TMCO1: variants seen among roughly 807,000 people sequenced by gnomAD.
The protein encoded by TMCO1 is transmembrane and coiled-coil domains 1.
TMCO1 carries 29 observed loss-of-function variants against 29.3 expected under a neutral mutation model. The observed-to-expected ratio is 0.99, with a 90% confidence interval of 0.74 to 1.35. The LOEUF is 1.35. Among genes scored for constraint, TMCO1 ranks in the 40% most tolerant of loss-of-function variants. TMCO1 has a pLI of 0.00. For missense variants in TMCO1, 173 were observed against 225.5 expected (o/e 0.77, Z 1.49); for synonymous variants, 80 against 77.1 (o/e 1.04, Z -0.20).
chr1:165,737,846 A>G (rs1002969790), intron 6 of TMCO1, among the ~76,000 whole-genome samples: 3 of 152,246 alleles, frequency 2.0e-5, no homozygotes, highest in African/African-American at 7.2e-5. Context: ...TAAGAAGCAC[A>G]AGAAAGAAAA....
chr1:165,755,022 A>G (rs950852374), intron 3 of TMCO1: 2 of 152,130 alleles, frequency 1.3e-5, no homozygotes, highest in Non-Finnish European at 2.9e-5. Context: ...AAAACAAAAA[A>G]CTACGCATTC....
downstream of TMCO1, chr1:165,725,171 A>T (rs1476796649): frequency 1.3e-5 from 6 of 449,852 alleles, no homozygotes; most frequent in African/African-American, 1.0e-4. Flanking sequence ...AAGAGAAAGT[A>T]TATAGTACTT....
Position 165,727,897 on chromosome 1 carries a change from A to T in TMCO1, c.*126T>A. The T allele has an allele frequency of 1.5e-6, 1 of 688,352 alleles. No individual in the cohort carries two copies. The highest frequency in any genetic ancestry group is 2.5e-6 in the Non-Finnish European group (1 of 395,336). 42.6% of individuals were successfully genotyped at this position (688,352 alleles called of 1,614,324 possible). A position where few individuals can be genotyped will look rare whatever the true frequency, so the allele number is the denominator to read the frequency against. On this transcript the variant is annotated 3_prime_UTR_variant, in exon 7 of 7. Transcript: ENST00000367881. ...CACTCTAATCATACCCAAAAGGCTT[A>T]GAAATAATTCAAAACTAGAAAGAGG...
chr1:165,738,502 C>G (rs1393347805), intron 6 of TMCO1, among the ~76,000 whole-genome samples: 1 of 152,124 alleles, frequency 6.6e-6, no homozygotes, highest in Non-Finnish European at 1.5e-5. Context: ...AACCTAAGAT[C>G]TTAAAAAGCA....
downstream of TMCO1, chr1:165,725,329 G>T: frequency 2.2e-6 from 1 of 453,912 alleles, no homozygotes. Flanking sequence ...TTAAGTAACT[G>T]GCCCCATTGG....
chr1:165,763,304 G>A (rs1652460024), intron 2 of TMCO1, among the ~76,000 whole-genome samples: 1 of 152,126 alleles, frequency 6.6e-6, no homozygotes, highest in Admixed American at 6.6e-5. Context: ...TATTCCTCAT[G>A]CTAAATATAA....
downstream of TMCO1, chr1:165,725,183 T>A (rs1466237543): frequency 2.2e-6 from 1 of 451,392 alleles, no homozygotes; most frequent in African/African-American, 2.0e-5. Context: ...ATAGTACTTT[T>A]ACTTAAAGGG....
At position 165,727,086 on chromosome 1, in the gene TMCO1, T is replaced by C. The variant is rs150123019; in HGVS notation, c.*937A>G. The stretch of plus-strand genomic sequence containing the variant: ...TCCATAGATTATGCGGGGAGGATCA[T>C]GGTACAAACATCCTTCTCCCTTATG... On this transcript the variant is annotated 3_prime_UTR_variant, in exon 7 of 7. Transcript: ENST00000367881. 8.8e-6 allele frequency: 4 copies of C among 454,084 alleles called. No homozygotes were observed. The highest frequency in any genetic ancestry group is 1.8e-5 in the Non-Finnish European group (4 of 226,770). 28.1% of individuals were successfully genotyped at this position (454,084 alleles called of 1,614,324 possible).
At chr1:165,729,484 T>C (rs1411623054) in intron 6 of TMCO1, among the ~76,000 whole-genome samples, 2 of 151,948 alleles carry the variant, frequency 1.3e-5, no homozygotes, top group Admixed American at 6.6e-5. Context: ...ACCCAGCTAA[T>C]TTTTGTATTT....
chr1:165,732,503 C>CTATA (rs1308718722), intron 6 of TMCO1, among the ~76,000 whole-genome samples: 44 of 128,622 alleles, frequency 3.4e-4, no homozygotes, highest in South Asian at 2.9e-3. Context: ...CTCTCTCTCT[C>CTATA]TCTATATATA....
chr1:165,758,802 C>T lies in TMCO1; in HGVS notation c.208+723G>A, dbSNP rs113440351. Among the ~76,000 whole-genome samples, 10 of 152,232 alleles carry T rather than the reference C, an allele frequency of 6.6e-5. 1 individual carries two copies. Among genetic ancestry groups the T allele is most frequent in the East Asian group, 3.9e-4 (2 of 5,182 alleles). On this transcript the variant is annotated intron_variant, in intron 3 of 6. Transcript: ENST00000367881. ...AGACCACTTAAAAAACATCCAGGAT[C>T]GCTATACTAACTGAAAAACTTTAAT...
At chr1:165,724,417 C>T, downstream of TMCO1, 1 of 454,096 alleles carries the variant, frequency 2.2e-6, no homozygotes. Flanking sequence ...AAAAACTCTA[C>T]AAGGTAAACA....
intron 3 of TMCO1, among the ~76,000 whole-genome samples, chr1:165,757,826 G>C (rs186011497): frequency 6.6e-6 from 1 of 152,200 alleles, no homozygotes. Context: ...AACTTCTGAT[G>C]AGTTTTTCTG....
At chr1:165,729,321 T>C (rs1401940207) in intron 6 of TMCO1, among the ~76,000 whole-genome samples, 2 of 34,606 alleles carry the variant, frequency 5.8e-5, no homozygotes, top group East Asian at 9.8e-4. Context: ...TCATAATTCT[T>C]TTTTTTTTTT....
intron 6 of TMCO1, among the ~76,000 whole-genome samples, chr1:165,737,713 G>A (rs12028087): frequency 0.52 from 79,751 of 151,950 alleles, 21,520 homozygotes; most frequent in South Asian, 0.72. Context: ...AGGTTAAAAC[G>A]AACAAAAAAG....
downstream of TMCO1, chr1:165,724,382 T>C (rs761010297): frequency 4.4e-6 from 2 of 454,100 alleles, no homozygotes; most frequent in South Asian, 3.1e-5. Context: ...AAAACCAGCA[T>C]GCTATCACCA....
intron 5 of TMCO1, among the ~76,000 whole-genome samples, chr1:165,748,129 A>AG (rs1651866304): frequency 6.6e-6 from 1 of 151,528 alleles, no homozygotes; most frequent in Non-Finnish European, 1.5e-5. Flanking sequence ...ACTGCACTTC[A>AG]GCCTGGGTGA....
At chr1:165,749,584 G>T (rs1396684462) in intron 5 of TMCO1, among the ~76,000 whole-genome samples, 1 of 152,188 alleles carries the variant, frequency 6.6e-6, no homozygotes, top group Non-Finnish European at 1.5e-5. Context: ...GATCACTGGG[G>T]CCCAGGAGTT....
chr1:165,749,768 C>G (rs2101804437), intron 5 of TMCO1, among the ~76,000 whole-genome samples: 1 of 151,902 alleles, frequency 6.6e-6, no homozygotes, highest in African/African-American at 2.4e-5. Flanking sequence ...ACAGCTTTAA[C>G]AACAAAAAAT....
Sources: allele counts gnomAD v4.1 joint callset (sites outside exome capture counted in the v4.1 genomes callset), GRCh38; gene constraint gnomAD v4.1.1; transcripts MANE v1.5; gene names NCBI Gene and HGNC (gene_info 2026-07-23, HGNC 2026-07-21).